Variants in SBF2 observed in about 807,000 individuals in gnomAD.
The protein encoded by SBF2 is myotubularin-related protein 13.
A neutral mutation model predicts 225.2 loss-of-function variants in SBF2; 112 were observed. The ratio of observed to expected loss-of-function variants is 0.50; its 90% CI spans 0.43 to 0.58. The LOEUF (loss-of-function observed/expected upper bound fraction) is 0.58. Ranked by LOEUF, SBF2 falls within the 20% of genes least tolerant of loss-of-function variation. The pLI is 0.00. For synonymous variants in SBF2, 763 were observed against 773.3 expected (o/e 0.99, Z 0.22); for missense variants, 1,996 against 2,206.2 (o/e 0.90, Z 1.91).
At chr11:10,091,921 G>A (rs1450771463) in intron 2 of SBF2, among the ~76,000 whole-genome samples, 1 of 152,124 alleles carries the variant, frequency 6.6e-6, no homozygotes, top group Non-Finnish European at 1.5e-5. Context: ...TCTCTTACTT[G>A]GAAGAGGCCC....
intron 1 of SBF2, among the ~76,000 whole-genome samples, chr11:10,269,763 C>T (rs996166175): frequency 6.6e-6 from 1 of 151,762 alleles, no homozygotes; most frequent in Admixed American, 6.6e-5. Context: ...CCATCCCACA[C>T]TTTATCTATT....
chr11:9,852,638 G>C (rs750371064), intron 21 of SBF2, 38 bp downstream of exon 21: 2 of 1,470,842 alleles, frequency 1.4e-6, no homozygotes, highest in Non-Finnish European at 1.9e-6. Flanking sequence ...TTTTTAAGAA[G>C]AGAGGCTATA....
rs1855248347 is a variant in SBF2 at position 9,829,355 on chromosome 11, C to T, written c.3793+1G>A. 2 of 1,613,960 alleles carry T rather than the reference C, an allele frequency of 1.2e-6. No individual in the cohort carries two copies. Among genetic ancestry groups the T allele is most frequent in the Non-Finnish European group, 1.7e-6 (2 of 1,179,976 alleles). ...AGAAGAAAAGTATTATCAAATCTTACCTGGAGATAGAGCAAAGGCTGGCCT... is the reference window on the plus strand; with the variant it reads ...AGAAGAAAAGTATTATCAAATCTTATCTGGAGATAGAGCAAAGGCTGGCCT... On this transcript the variant is annotated splice_donor_variant, in intron 28 of 39. Transcript: ENST00000256190. LOFTEE classifies it high-confidence loss of function.
Position 9,832,309 on chromosome 11 carries a change from T to C in SBF2, c.3567A>G (p.Arg1189=). The C allele has an allele frequency of 6.2e-7, 1 of 1,614,132 alleles. No homozygotes were observed. Among genetic ancestry groups the C allele is most frequent in the Non-Finnish European group, 8.5e-7 (1 of 1,180,024 alleles). ...CAGATCGGAGGAGCAGAGTACCACT[T>C]CTTGAGTTCTTCCAACATACAACAG... ...RLPVVCWKNS[R]SGTLLLRSGG... is the part of the protein sequence containing the mutation. Residue 1189 remains arginine, a synonymous_variant, in exon 27 of 40, where the codon AGA becomes AGG. Transcript: ENST00000256190.
intron 37 of SBF2, chr11:9,784,894 C>T (rs1252879311): frequency 3.5e-6 from 2 of 572,792 alleles, no homozygotes; most frequent in Non-Finnish European, 6.2e-6. Context: ...AGATAAGAGC[C>T]ATCAGGACTC....
chr11:9,803,590 T>A (rs927978193), intron 32 of SBF2, among the ~76,000 whole-genome samples: 1 of 152,154 alleles, frequency 6.6e-6, no homozygotes, highest in African/African-American at 2.4e-5. Flanking sequence ...CATGAGAACC[T>A]CCTATCTCTT....
At chr11:9,865,875 G>A (rs1858176974) in intron 17 of SBF2, among the ~76,000 whole-genome samples, 1 of 151,904 alleles carries the variant, frequency 6.6e-6, no homozygotes, top group African/African-American at 2.4e-5. Context: ...CTATTGTATG[G>A]AATTCCATGG....
intron 13 of SBF2, among the ~76,000 whole-genome samples, chr11:9,987,868 A>G (rs981976518): frequency 3.3e-5 from 5 of 152,150 alleles, no homozygotes; most frequent in Non-Finnish European, 7.4e-5. Context: ...AATTCAATGC[A>G]ATCCTCATCG....
chr11:9,936,946 A>G (rs1267869115), intron 16 of SBF2, among the ~76,000 whole-genome samples: 2 of 152,174 alleles, frequency 1.3e-5, no homozygotes, highest in East Asian at 3.8e-4. Context: ...AAAGAGTGGC[A>G]TTAATCACTG....
chr11:9,852,598 C>T, intron 21 of SBF2, 78 bp downstream of exon 21: 1 of 1,051,768 alleles, frequency 9.5e-7, no homozygotes. Flanking sequence ...GGTGAACATC[C>T]TTTCCTGGCA....
intron 2 of SBF2, among the ~76,000 whole-genome samples, chr11:10,120,144 T>C (rs555439492): frequency 1.3e-5 from 2 of 152,330 alleles, no homozygotes; most frequent in South Asian, 4.1e-4. Context: ...TTCTATGAGT[T>C]TGACTACTTT....
intron 1 of SBF2, among the ~76,000 whole-genome samples, chr11:10,270,693 T>G (rs1449685616): frequency 6.6e-6 from 1 of 152,126 alleles, no homozygotes; most frequent in Non-Finnish European, 1.5e-5. Flanking sequence ...TATAAACATG[T>G]TTTTAAGAAG....
At chr11:9,945,223 A>G (rs1222946705) in intron 16 of SBF2, among the ~76,000 whole-genome samples, 1 of 152,246 alleles carries the variant, frequency 6.6e-6, no homozygotes, top group African/African-American at 2.4e-5. Context: ...AACCAAAATC[A>G]GGATGGCACT....
At chr11:10,132,449 T>C (rs10770091) in intron 2 of SBF2, among the ~76,000 whole-genome samples, 68,009 of 144,716 alleles carry the variant, frequency 0.47, 16,842 homozygotes, top group Admixed American at 0.56. Context: ...CAGATGTGTT[T>C]GGAGTTTCTT....
Position 9,829,377 on chromosome 11 carries a change from G to T in SBF2, c.3772C>A (p.Pro1258Thr). The T allele has an allele frequency of 2.5e-6, 4 of 1,614,142 alleles. No homozygotes were observed. The highest frequency in any genetic ancestry group is 1.3e-5 in the African/African-American group (1 of 75,046). ...TTACCTGGAGATAGAGCAAAGGCTG[G>T]CCTGACAGTAAGAGTGCTGTTGCCT... The part of the protein sequence containing the change: ...LRGNSTLTVR[P>T]AFALSPGVWA... Residue 1258 changes from proline to threonine, a missense_variant, in exon 28 of 40, where the codon CCA becomes ACA. Pro to Thr is a conservative substitution (Grantham distance 38). Transcript: ENST00000256190.
In SBF2 at chr11:10,112,306, G is replaced by A. The variant is rs191210641; in HGVS notation, c.142-69325C>T. On this transcript the variant is annotated intron_variant, in intron 2 of 39. Coordinates refer to ENST00000256190, the MANE Select transcript of SBF2 (RefSeq NM_030962.4). The stretch of plus-strand genomic sequence containing the variant: ...ATGTGTTGTGGAAGGAACCCAGCAG[G>A]AGGTGACTGAATTATGGGGGTGGGT... Among the ~76,000 whole-genome samples, 37 of 152,274 alleles carry A rather than the reference G, an allele frequency of 2.4e-4. No individual in the cohort carries two copies. The East Asian group carries it at 7.1e-3, about 29-fold the overall frequency.
chr11:9,972,920 A>G (rs66536570), intron 13 of SBF2, among the ~76,000 whole-genome samples: 19,671 of 152,306 alleles, frequency 0.13, 1,376 homozygotes, highest in Non-Finnish European at 0.14. Context: ...AAAGTTGAAT[A>G]TCTGTAGTTA....
chr11:9,840,272 C>T (rs551860205), intron 25 of SBF2, among the ~76,000 whole-genome samples: 1 of 138,018 alleles, frequency 7.2e-6, no homozygotes, highest in Non-Finnish European at 1.6e-5. Flanking sequence ...AAAAAACAAA[C>T]CCGCTACTTT....
intron 16 of SBF2, chr11:9,958,867 G>T: frequency 1.5e-6 from 1 of 662,628 alleles, no homozygotes; most frequent in Non-Finnish European, 2.8e-6. Context: ...TCTTCTCCTG[G>T]CCAACAGTCT....
Sources: allele counts gnomAD v4.1 joint callset (sites outside exome capture counted in the v4.1 genomes callset), GRCh38; gene constraint gnomAD v4.1.1; transcripts MANE v1.5; gene names NCBI Gene and HGNC (gene_info 2026-07-23, HGNC 2026-07-21).